Variants in DNM3 observed in about 807,000 individuals in gnomAD.
DNM3 encodes the protein dynamin-3.
Under a neutral mutation model 101.6 loss-of-function variants are expected in DNM3, and 47 were observed. The ratio of observed to expected loss-of-function variants is 0.46; its 90% CI spans 0.37 to 0.59. The LOEUF is 0.59. Among genes scored for constraint, DNM3 ranks in the 20% least tolerant of loss-of-function variants. DNM3 has a pLI of 0.00. For missense variants in DNM3, 849 were observed against 1,085.7 expected, an observed-to-expected ratio of 0.78 and a Z score of 3.06; for synonymous variants, 385 against 387.9, an observed-to-expected ratio of 0.99 and a Z score of 0.09.
At chr1:172,226,853 A>T (rs542176503) in intron 14 of DNM3, among the ~76,000 whole-genome samples, 1 of 152,184 alleles carries the variant, frequency 6.6e-6, no homozygotes, top group African/African-American at 2.4e-5. Context: ...CTAAAAATTA[A>T]AAATGGATTT....
intron 14 of DNM3, among the ~76,000 whole-genome samples, chr1:172,245,220 A>T (rs1040124981): frequency 2.2e-4 from 34 of 152,218 alleles, no homozygotes; most frequent in African/African-American, 7.2e-4. Flanking sequence ...GGGGAGCAAG[A>T]CACATAGAAT....
rs2039782533 is a variant in DNM3 at position 171,917,203 on chromosome 1, A to T, written c.162-4545A>T. Among the ~76,000 whole-genome samples the T allele has an allele frequency of 3.9e-5, 6 of 152,200 alleles. No homozygotes were observed. In the South Asian group the frequency reaches 1.0e-3, roughly 26 times the overall value. The stretch of plus-strand genomic sequence containing the variant: ...AAGGGCAGATGTTAAACATTTATTT[A>T]CTGTACAGATTATCTGGTTAACAAT... On this transcript the variant is annotated intron_variant, in intron 1 of 20. Coordinates refer to ENST00000627582, the MANE Select transcript of DNM3 (RefSeq NM_015569.5).
intron 12 of DNM3, among the ~76,000 whole-genome samples, chr1:172,088,133 G>A (rs2053659686): frequency 6.6e-6 from 1 of 152,228 alleles, no homozygotes; most frequent in Non-Finnish European, 1.5e-5. Flanking sequence ...TGTCAGTGAT[G>A]AGAGAGGTAG....
chr1:172,361,017 C>A (rs990670025), intron 17 of DNM3, among the ~76,000 whole-genome samples: 1 of 151,974 alleles, frequency 6.6e-6, no homozygotes, highest in African/African-American at 2.4e-5. Context: ...TGGGGCTATA[C>A]CTGACTTTTA....
rs537059432 is a variant in DNM3 at position 172,152,159 on chromosome 1, C to T, written c.1659+20871C>T. Among the ~76,000 whole-genome samples the T allele has an allele frequency of 7.2e-5, 11 of 152,206 alleles. No individual in the cohort carries two copies. In the South Asian group the frequency reaches 2.3e-3, roughly 32 times the overall value. Reference sequence around the variant, plus strand: ...TTGGCCTCCCAATGTGTTGGGATTACAGGCATAAGCCACCGTGCTGGCTAA... The same window carrying T: ...TTGGCCTCCCAATGTGTTGGGATTATAGGCATAAGCCACCGTGCTGGCTAA... On this transcript the variant is annotated intron_variant, in intron 14 of 20. Coordinates refer to ENST00000627582, the MANE Select transcript of DNM3 (RefSeq NM_015569.5).
At chr1:172,398,316 A>G (rs757346566) in intron 20 of DNM3, among the ~76,000 whole-genome samples, 93 of 152,330 alleles carry the variant, frequency 6.1e-4, no homozygotes, top group Middle Eastern at 6.8e-3. Context: ...TATATCAAAC[A>G]CTTGCCTGCT....
intron 14 of DNM3, among the ~76,000 whole-genome samples, chr1:172,242,172 A>G (rs552994390): frequency 2.3e-4 from 35 of 152,242 alleles, no homozygotes; most frequent in Non-Finnish European, 4.3e-4. Context: ...AGAGTTCACT[A>G]TCTTTCCTGG....
intron 5 of DNM3, among the ~76,000 whole-genome samples, 163 bp downstream of exon 5, chr1:172,032,663 G>C (rs1337724452): frequency 6.7e-6 from 1 of 150,098 alleles, no homozygotes; most frequent in African/African-American, 2.4e-5. Context: ...TGGAATGGCT[G>C]TATGTTCCCA....
chr1:172,154,010 A>T (rs565197960), intron 14 of DNM3, among the ~76,000 whole-genome samples: 21 of 151,454 alleles, frequency 1.4e-4, no homozygotes, highest in Non-Finnish European at 2.8e-4. Flanking sequence ...TGTTCCATTC[A>T]TTCGTTCATT....
chr1:172,257,628 A>AC (rs1337030337), intron 15 of DNM3, among the ~76,000 whole-genome samples: 6 of 152,066 alleles, frequency 3.9e-5, no homozygotes, highest in Non-Finnish European at 5.9e-5. Context: ...GTGATATTCT[A>AC]TTACACGCAT....
intron 1 of DNM3, among the ~76,000 whole-genome samples, chr1:171,860,305 TG>T (rs2034039706): frequency 6.6e-6 from 1 of 152,190 alleles, no homozygotes; most frequent in South Asian, 2.1e-4. Context: ...ATAAATTTTG[TG>T]AACTTTAAAT....
At chr1:172,316,613 A>G (rs998255811) in intron 16 of DNM3, among the ~76,000 whole-genome samples, 3 of 152,134 alleles carry the variant, frequency 2.0e-5, no homozygotes, top group African/African-American at 4.8e-5. Flanking sequence ...AACAGACTTT[A>G]AACCAACAAA....
chr1:172,333,828 C>T (rs2066299448), intron 17 of DNM3, among the ~76,000 whole-genome samples: 1 of 152,030 alleles, frequency 6.6e-6, no homozygotes, highest in African/African-American at 2.4e-5. Context: ...TATTAAAGAC[C>T]AGCTTTGCAT....
chr1:172,112,847 T>G (rs73039343), intron 13 of DNM3, among the ~76,000 whole-genome samples: 4,883 of 152,240 alleles, frequency 0.032, 166 homozygotes, highest in East Asian at 0.13. Context: ...AGAAGATTAG[T>G]GAGACATCCA....
At chr1:171,919,232 A>T (rs1188372324) in intron 1 of DNM3, among the ~76,000 whole-genome samples, 2 of 152,062 alleles carry the variant, frequency 1.3e-5, no homozygotes, top group Non-Finnish European at 2.9e-5. Flanking sequence ...AGGTATACAC[A>T]TGCCATGGTG....
chr1:171,843,280 TA>T (rs1226020759), intron 1 of DNM3, among the ~76,000 whole-genome samples: 3 of 152,230 alleles, frequency 2.0e-5, no homozygotes, highest in African/African-American at 4.8e-5. Context: ...CTCATTTTTA[TA>T]TTTTTTTTGA....
chr1:172,212,833 A>G (rs183451898), intron 14 of DNM3, among the ~76,000 whole-genome samples: 23 of 152,290 alleles, frequency 1.5e-4, no homozygotes, highest in African/African-American at 5.5e-4. Context: ...TAGGACCAGT[A>G]CTGGAAGAGA....
At chr1:172,191,723 G>T (rs959707995) in intron 14 of DNM3, among the ~76,000 whole-genome samples, 18 of 152,040 alleles carry the variant, frequency 1.2e-4, no homozygotes, top group Non-Finnish European at 2.2e-4. Flanking sequence ...CCTTGAAGAG[G>T]TCCTTCACAT....
At chr1:171,904,236 A>C (rs529568204) in intron 1 of DNM3, among the ~76,000 whole-genome samples, 1 of 151,934 alleles carries the variant, frequency 6.6e-6, no homozygotes, top group Admixed American at 6.6e-5. Flanking sequence ...TGAGCCCAGG[A>C]GATAGAGGTT....
Sources: allele counts gnomAD v4.1 joint callset (sites outside exome capture counted in the v4.1 genomes callset), GRCh38; gene constraint gnomAD v4.1.1; transcripts MANE v1.5; gene names NCBI Gene and HGNC (gene_info 2026-07-23, HGNC 2026-07-21).